Variants in KIRREL1 observed in about 807,000 individuals in gnomAD.
The protein encoded by KIRREL1 is kin of IRRE-like protein 1.
A neutral mutation model predicts 83.3 loss-of-function variants in KIRREL1; 25 were observed. That is an observed-to-expected ratio of 0.30 (90% CI 0.22 to 0.42). The LOEUF (loss-of-function observed/expected upper bound fraction) is 0.42, where lower values mean the gene tolerates loss of function less well. Ranked by LOEUF, KIRREL1 falls within the 10% of genes least tolerant of loss-of-function variation. KIRREL1 has a pLI of 1.00. For missense variants in KIRREL1, 812 were observed against 1,032.3 expected (o/e 0.79, Z 2.92); for synonymous variants, 388 against 410.4 (o/e 0.95, Z 0.66).
chr1:158,031,410 CTG>C (rs1168362976), intron 1 of KIRREL1, among the ~76,000 whole-genome samples: 1 of 152,120 alleles, frequency 6.6e-6, no homozygotes, highest in Non-Finnish European at 1.5e-5. Context: ...ATTCTTGTGA[CTG>C]AAACTGAAAC....
Position 157,993,649 on chromosome 1 carries a change from G to C in KIRREL1, c.-28G>C. 6.8e-7 allele frequency: 1 copy of C among 1,464,602 alleles called. No individual in the cohort carries two copies. The highest frequency in any genetic ancestry group is 9.1e-7 in the Non-Finnish European group (1 of 1,103,486). The allele number at this position is 1,464,602 out of a possible 1,614,324, so 90.7% of individuals were successfully genotyped here. On this transcript the variant is annotated 5_prime_UTR_variant, in exon 1 of 15. Coordinates refer to ENST00000359209, the MANE Select transcript of KIRREL1 (RefSeq NM_018240.7). ...CGCTCGCCAACTCCGGGCCCCAGCC[G>C]CGGGCGGGCGCACGGCGGGCGGACA...
chr1:158,074,189 A>G (rs1249161885), intron 1 of KIRREL1, among the ~76,000 whole-genome samples: 1 of 152,192 alleles, frequency 6.6e-6, no homozygotes, highest in Non-Finnish European at 1.5e-5. Flanking sequence ...TTTAGAAGAC[A>G]TGAATGAAAG....
At chr1:158,087,946 A>G in intron 6 of KIRREL1, 60 bp from the exon 7 acceptor site, 20 of 1,610,622 alleles carry the variant, frequency 1.2e-5, no homozygotes, top group Non-Finnish European at 1.7e-5. Flanking sequence ...GCCAGGTGTC[A>G]TGGATGTAGT....
chr1:158,010,956 A>C (rs1019325346), intron 1 of KIRREL1, among the ~76,000 whole-genome samples: 1 of 152,154 alleles, frequency 6.6e-6, no homozygotes, highest in Admixed American at 6.5e-5. Flanking sequence ...CAGACATTTA[A>C]AATTCTTTTG....
At chr1:158,053,953 C>A (rs1485458847) in intron 1 of KIRREL1, among the ~76,000 whole-genome samples, 1 of 150,932 alleles carries the variant, frequency 6.6e-6, no homozygotes, top group African/African-American at 2.5e-5. Context: ...TGGCTCACAC[C>A]TGTAATCCCA....
intron 1 of KIRREL1, among the ~76,000 whole-genome samples, chr1:158,002,281 C>G (rs2763847): frequency 1.8e-3 from 271 of 152,344 alleles, no homozygotes; most frequent in Non-Finnish European, 3.0e-3. Flanking sequence ...ACCTGTCCCC[C>G]CCAAGCTTGG....
intron 1 of KIRREL1, among the ~76,000 whole-genome samples, chr1:158,019,047 G>T (rs1043098211): frequency 1.3e-5 from 2 of 152,094 alleles, no homozygotes; most frequent in Non-Finnish European, 2.9e-5. Flanking sequence ...GTAAATAGAG[G>T]TCCAGAGCCT....
chr1:158,000,595 G>T (rs1436300883), intron 1 of KIRREL1, among the ~76,000 whole-genome samples: 1 of 152,158 alleles, frequency 6.6e-6, no homozygotes, highest in Non-Finnish European at 1.5e-5. Context: ...GCTGTAGCTC[G>T]CAGACATCAC....
intron 1 of KIRREL1, among the ~76,000 whole-genome samples, chr1:158,015,690 C>T (rs746707647): frequency 3.9e-5 from 6 of 152,094 alleles, no homozygotes; most frequent in Non-Finnish European, 5.9e-5. Context: ...TAAATTGTAT[C>T]ATGAATTTTG....
chr1:158,033,703 G>A (rs1429150932), intron 1 of KIRREL1, among the ~76,000 whole-genome samples: 1 of 152,092 alleles, frequency 6.6e-6, no homozygotes, highest in East Asian at 1.9e-4. Flanking sequence ...GTTTTCGGCC[G>A]GGCATGGTGA....
chr1:158,040,037 G>T (rs868252349), intron 1 of KIRREL1, among the ~76,000 whole-genome samples: 1 of 152,198 alleles, frequency 6.6e-6, no homozygotes, highest in Non-Finnish European at 1.5e-5. Flanking sequence ...GTTCTCCAGT[G>T]GAAAGCATGA....
At chr1:158,062,903 A>G (rs746877551) in intron 1 of KIRREL1, among the ~76,000 whole-genome samples, 1 of 152,208 alleles carries the variant, frequency 6.6e-6, no homozygotes, top group South Asian at 2.1e-4. Context: ...ATAGCCCAGA[A>G]GTTTCTGGAG....
At chr1:158,086,041 C>T (rs1412833308) in intron 4 of KIRREL1, among the ~76,000 whole-genome samples, 2 of 152,116 alleles carry the variant, frequency 1.3e-5, no homozygotes, top group African/African-American at 4.8e-5. Flanking sequence ...AAGGGATTTG[C>T]GCTGGACTCA....
intron 1 of KIRREL1, among the ~76,000 whole-genome samples, chr1:158,052,564 C>T (rs147510726): frequency 2.7e-3 from 401 of 151,280 alleles, no homozygotes; most frequent in Middle Eastern, 0.021. Flanking sequence ...TGGATCACGA[C>T]GTCAGGAGAT....
intron 4 of KIRREL1, 137 bp from the exon 5 acceptor site, chr1:158,086,459 G>A (rs1662017040): frequency 1.4e-6 from 1 of 698,130 alleles, no homozygotes; most frequent in South Asian, 1.9e-5. Context: ...CAAGGGAAGA[G>A]GTTGTGGGAG....
chr1:157,996,735 G>C (rs982926853), intron 1 of KIRREL1, among the ~76,000 whole-genome samples: 1 of 152,208 alleles, frequency 6.6e-6, no homozygotes, highest in African/African-American at 2.4e-5. Context: ...GCTGAGGTTG[G>C]GGAAGAGTCA....
At chr1:158,039,020 A>G (rs1352949650) in intron 1 of KIRREL1, among the ~76,000 whole-genome samples, 2 of 152,172 alleles carry the variant, frequency 1.3e-5, no homozygotes, top group Non-Finnish European at 2.9e-5. Flanking sequence ...GCAGCCCGAG[A>G]GGGTTCAGGA....
intron 1 of KIRREL1, among the ~76,000 whole-genome samples, chr1:158,046,274 G>A (rs1184722063): frequency 6.6e-6 from 1 of 152,186 alleles, no homozygotes; most frequent in African/African-American, 2.4e-5. Flanking sequence ...TGGACGAAGG[G>A]TGAGAGGGAA....
At chr1:158,055,945 T>C (rs1175046251) in intron 1 of KIRREL1, among the ~76,000 whole-genome samples, 1 of 152,214 alleles carries the variant, frequency 6.6e-6, no homozygotes, top group Non-Finnish European at 1.5e-5. Context: ...CTTCCGCATC[T>C]ACCACCTGAG....
Sources: gnomAD v4.1 joint callset for allele counts (sites outside exome capture counted in the v4.1 genomes callset) on GRCh38, gnomAD v4.1.1 for gene constraint, MANE v1.5 for transcripts, NCBI Gene and HGNC (gene_info 2026-07-23, HGNC 2026-07-21) for gene names.